VPS13B: variants seen among roughly 807,000 people sequenced by gnomAD.
VPS13B encodes intermembrane lipid transfer protein VPS13B.
In VPS13B, 285 loss-of-function variants were observed where a neutral mutation model predicts 426.4. The ratio of observed to expected loss-of-function variants is 0.67; its 90% confidence interval spans 0.61 to 0.74. The LOEUF (loss-of-function observed/expected upper bound fraction) is 0.74, where lower values mean the gene tolerates loss of function less well. Among genes scored for constraint, VPS13B ranks in the 30% least tolerant of loss-of-function variants. The pLI is 0.00. For missense variants in VPS13B, 4,537 were observed against 4,782.6 expected, an observed-to-expected ratio of 0.95 and a Z score of 1.51; for synonymous variants, 1,676 against 1,676.4, an observed-to-expected ratio of 1.00 and a Z score of 0.01.
At chr8:99,595,703 A>G (rs377114013) in intron 33 of VPS13B, among the ~76,000 whole-genome samples, 5 of 151,684 alleles carry the variant, frequency 3.3e-5, no homozygotes, top group African/African-American at 1.2e-4. Flanking sequence ...GAATCAGAGA[A>G]AATATTTGCT....
chr8:99,041,565 A>G (rs978932321), intron 3 of VPS13B, among the ~76,000 whole-genome samples: 3 of 152,206 alleles, frequency 2.0e-5, no homozygotes, highest in African/African-American at 7.2e-5. Flanking sequence ...TCATTGAATT[A>G]AGTCTTGGCT....
rs1847914020 is a variant in VPS13B at position 99,121,168 on chromosome 8, A to G, written c.938-9A>G. The G allele has an allele frequency of 6.2e-7, 1 of 1,610,308 alleles. No homozygotes were observed. Among genetic ancestry groups the G allele is most frequent in the African/African-American group, 1.3e-5 (1 of 74,784 alleles). ...GACTTATTTAAAATGACTTAATTTT[A>G]ATTGATAGGTTCTGAAGATGAAACA... On this transcript the variant is annotated splice_polypyrimidine_tract_variant and intron_variant, in intron 7 of 61. Coordinates refer to ENST00000357162, the MANE Select transcript of VPS13B (RefSeq NM_152564.5).
At chr8:99,584,104 C>CA (rs1216812313) in intron 33 of VPS13B, among the ~76,000 whole-genome samples, 3 of 152,058 alleles carry the variant, frequency 2.0e-5, no homozygotes, top group African/African-American at 7.2e-5. Flanking sequence ...CTTAAAAGGA[C>CA]AAGAGGGGCT....
intron 3 of VPS13B, among the ~76,000 whole-genome samples, chr8:99,065,933 C>T (rs1464002591): frequency 1.3e-5 from 2 of 152,142 alleles, no homozygotes; most frequent in Non-Finnish European, 2.9e-5. Flanking sequence ...ACCTAGGAAT[C>T]CAACTTACAA....
Position 99,481,750 on chromosome 8 carries a change from C to T in VPS13B, c.3818C>T (p.Pro1273Leu), listed in dbSNP as rs1820049808. The T allele has an allele frequency of 1.2e-6, 2 of 1,613,832 alleles. No homozygotes were observed. Among genetic ancestry groups the T allele is most frequent in the East Asian group, 2.2e-5 (1 of 44,878 alleles). The part of the protein sequence containing the change: ...SPVRSSIGTA[P>L]PDTSTCSPSA... ...GTTAGAAGCAGTATAGGCACAGCTC[C>T]TCCAGATACCAGCACATGCAGCCCA... Residue 1273 changes from proline (P) to leucine (L), a missense_variant, in exon 25 of 62, where the codon CCT (proline) becomes CTT (leucine). Coordinates refer to ENST00000357162, the MANE Select transcript of VPS13B (RefSeq NM_152564.5).
chr8:99,621,421 A>G (rs1227018805), intron 33 of VPS13B, among the ~76,000 whole-genome samples: 1 of 152,074 alleles, frequency 6.6e-6, no homozygotes, highest in Non-Finnish European at 1.5e-5. Context: ...TGCTATATAT[A>G]ATCTTCTTGT....
chr8:99,360,503 T>C (rs938661767), intron 19 of VPS13B, among the ~76,000 whole-genome samples: 1 of 151,662 alleles, frequency 6.6e-6, no homozygotes, highest in East Asian at 1.9e-4. Flanking sequence ...GGTCTCGATC[T>C]CCTGACCTCG....
At chr8:99,068,039 G>C (rs1844637914) in intron 3 of VPS13B, among the ~76,000 whole-genome samples, 1 of 151,892 alleles carries the variant, frequency 6.6e-6, no homozygotes, top group Non-Finnish European at 1.5e-5. Flanking sequence ...ATATTATGTA[G>C]CTCTTACGTG....
chr8:99,721,066 T>C lies in VPS13B; in HGVS notation c.7050+19T>C, dbSNP rs749486974. 3 of 1,613,322 alleles carry C rather than the reference T, an allele frequency of 1.9e-6. No individual in the cohort carries two copies. The highest frequency in any genetic ancestry group is 1.1e-5 in the South Asian group (1 of 91,040). ...GCTACAGGTATGTAATGACCATTCA[T>C]TGTAAAATGAAAACATTGTGGGAAA... is the stretch of plus-strand genomic sequence containing the variant. On this transcript the variant is annotated intron_variant, in intron 39 of 61. Transcript: ENST00000357162.
chr8:99,403,959 CAACAG>C, intron 21 of VPS13B, among the ~76,000 whole-genome samples: 1 of 152,266 alleles, frequency 6.6e-6, no homozygotes, highest in African/African-American at 2.4e-5. Flanking sequence ...GCAGACTTTA[CAACAG>C]GCTTTGTTTT....
intron 5 of VPS13B, among the ~76,000 whole-genome samples, chr8:99,109,587 T>C (rs186683675): frequency 4.2e-4 from 64 of 152,300 alleles, no homozygotes; most frequent in African/African-American, 1.3e-3. Flanking sequence ...TTCACCACTT[T>C]GCCCAGGCTG....
chr8:99,530,321 G>A (rs11994623), intron 30 of VPS13B, among the ~76,000 whole-genome samples: 9,287 of 152,090 alleles, frequency 0.061, 368 homozygotes, highest in African/African-American at 0.11. Context: ...AATAGTAATA[G>A]TAGCAGCAGT....
chr8:99,446,856 G>A (rs1817944859), intron 23 of VPS13B, among the ~76,000 whole-genome samples: 1 of 152,128 alleles, frequency 6.6e-6, no homozygotes, highest in African/African-American at 2.4e-5. Flanking sequence ...GAGGCAAATT[G>A]TGTTTAACAT....
intron 3 of VPS13B, chr8:99,092,118 A>G (rs1241212380): frequency 2.0e-5 from 3 of 152,160 alleles, no homozygotes; most frequent in African/African-American, 4.8e-5. Context: ...ACAGGGAGAA[A>G]AGTGAGTAAC....
At chr8:99,690,736 C>T (rs1420941714) in intron 35 of VPS13B, among the ~76,000 whole-genome samples, 1 of 151,982 alleles carries the variant, frequency 6.6e-6, no homozygotes, top group Non-Finnish European at 1.5e-5. Context: ...AGAATATATA[C>T]AGTCAATAAG....
chr8:99,721,139 A>G, intron 39 of VPS13B, 92 bp downstream of exon 39: 1 of 1,286,958 alleles, frequency 7.8e-7, no homozygotes, highest in East Asian at 2.3e-5. Flanking sequence ...CTTACTTCTT[A>G]CATTAATAGT....
chr8:99,695,248 C>T (rs1474127958), intron 35 of VPS13B, among the ~76,000 whole-genome samples: 7 of 148,714 alleles, frequency 4.7e-5, no homozygotes, highest in South Asian at 2.1e-4. Context: ...CACATGCACA[C>T]GTATGTTTAT....
chr8:99,669,718 C>T (rs1167631908), intron 35 of VPS13B, among the ~76,000 whole-genome samples: 6 of 152,116 alleles, frequency 3.9e-5, no homozygotes, highest in Admixed American at 3.9e-4. Context: ...GTCTAGTTGT[C>T]AGTGTTTCTG....
At chr8:99,785,464 T>A (rs1027404715) in intron 43 of VPS13B, among the ~76,000 whole-genome samples, 19 of 152,168 alleles carry the variant, frequency 1.2e-4, no homozygotes, top group Non-Finnish European at 2.2e-4. Context: ...AATGCAGTAT[T>A]TCTTATTTAA....
Sources: gnomAD v4.1 joint callset for allele counts (sites outside exome capture counted in the v4.1 genomes callset) on GRCh38, gnomAD v4.1.1 for gene constraint, MANE v1.5 for transcripts, NCBI Gene and HGNC (gene_info 2026-07-23, HGNC 2026-07-21) for gene names.